The following WASHC4 variants were observed in gnomAD, a reference collection of about 807,000 sequenced individuals.
WASHC4 encodes WASH complex subunit 4, also known as WASH complex subunit 7.
Under a neutral mutation model 166.6 loss-of-function variants are expected in WASHC4, and 86 were observed. That is an observed-to-expected ratio of 0.52 (90% CI 0.43 to 0.62). The LOEUF is 0.62. Among genes scored for constraint, WASHC4 ranks in the 20% least tolerant of loss-of-function variants. WASHC4 has a pLI of 0.00. For synonymous variants in WASHC4, 446 were observed against 451.6 expected, an observed-to-expected ratio of 0.99 and a Z score of 0.16; for missense variants, 1,262 against 1,382.4, an observed-to-expected ratio of 0.91 and a Z score of 1.38.
At chr12:105,148,566 A>T in intron 24 of WASHC4, 1 of 985,310 alleles carries the variant, frequency 1.0e-6, no homozygotes, top group Non-Finnish European at 1.2e-6. Context: ...CACTATTAAG[A>T]GTGGAAAGGA....
intron 6 of WASHC4, among the ~76,000 whole-genome samples, chr12:105,116,661 C>T (rs1880211606): frequency 6.6e-6 from 1 of 152,118 alleles, no homozygotes; most frequent in Non-Finnish European, 1.5e-5. Flanking sequence ...TGGATTTGCA[C>T]TTGACTATAG....
In WASHC4 at chr12:105,153,779, C is replaced by T. The variant is rs1040257558; in HGVS notation, c.2758+1328C>T. On this transcript the variant is annotated intron_variant, in intron 26 of 32. Transcript: ENST00000332180. ...CCAGAATTTTTGCATCCTGTTAATA[C>T]TGCCTTCACTATTGTTACATGTTTT... Among the ~76,000 whole-genome samples, 3 of 152,242 alleles carry T rather than the reference C, an allele frequency of 2.0e-5. No homozygotes were observed. The South Asian group carries it at 6.2e-4, about 32-fold the overall frequency.
chr12:105,131,179 C>T (rs1052359603), intron 13 of WASHC4, among the ~76,000 whole-genome samples: 203 of 150,946 alleles, frequency 1.3e-3, no homozygotes, highest in African/African-American at 4.5e-3. Flanking sequence ...CTCCGCTTCC[C>T]GGGTTCACGC....
Position 105,111,258 on chromosome 12 carries a change from A to G in WASHC4, c.195A>G (p.Ala65=), listed in dbSNP as rs961797226. 6.2e-7 allele frequency: 1 copy of G among 1,602,424 alleles called. No homozygotes were observed. Among genetic ancestry groups the G allele is most frequent in the East Asian group, 2.2e-5 (1 of 44,700 alleles). The change falls in exon 2 of 33, where the codon GCA becomes GCG. Residue 65 remains alanine, a synonymous_variant. Coordinates refer to ENST00000332180, the MANE Select transcript of WASHC4 (RefSeq NM_015275.3). ...GGGATTTCAATCTTGATCCTATAGC[A>G]TTAAAGGTTTGATTTGATTTTTTAA... is the stretch of plus-strand genomic sequence containing the variant. ...DVWDFNLDPI[A]LKLLPYEQSS...
chr12:105,120,607 A>G lies in WASHC4; in HGVS notation c.561+10A>G, dbSNP rs1477274961. ...TGGAGTTCATTTTCAGGTAAAAGAC[A>G]TTTAGCTTGACCTGTAAAACTGTAA... On this transcript the variant is annotated intron_variant, in intron 8 of 32. Coordinates refer to ENST00000332180, the MANE Select transcript of WASHC4 (RefSeq NM_015275.3). 2.5e-6 allele frequency: 4 copies of G among 1,581,008 alleles called. No homozygotes were observed. The South Asian group carries it at 3.3e-5, about 13-fold the overall frequency.
chr12:105,149,662 C>A lies in WASHC4; in HGVS notation c.2562C>A (p.Ser854Arg). The A allele has an allele frequency of 6.4e-7, 1 of 1,558,636 alleles. No individual in the cohort carries two copies. Reference protein sequence around the residue: ...QFLKKKFYIFSQFMYDEHIKS... With the variant: ...QFLKKKFYIFRQFMYDEHIKS... ...TGAAAAAGAAGTTCTATATATTTAG[C>A]CAATTTATGTATGATGAACACATCA... Residue 854 changes from serine to arginine, a missense_variant, in exon 25 of 33, where the codon AGC (serine) becomes AGA (arginine). Physicochemically the swap from Ser to Arg is moderately radical, Grantham distance 110 (BLOSUM62 -1). Transcript: ENST00000332180.
At chr12:105,157,399 AT>A in intron 28 of WASHC4, 77 bp downstream of exon 28, 1 of 789,958 alleles carries the variant, frequency 1.3e-6, no homozygotes, top group Non-Finnish European at 2.1e-6. Context: ...GTAATATGTA[AT>A]TTTTATGCCA....
At position 105,141,264 on chromosome 12, in the gene WASHC4, A is replaced by G. The variant is rs1191310234; in HGVS notation, c.1787+18A>G. The G allele has an allele frequency of 6.8e-7, 1 of 1,474,506 alleles. No homozygotes were observed. The highest frequency in any genetic ancestry group is 9.5e-7 in the Non-Finnish European group (1 of 1,052,624). 91.3% of individuals were successfully genotyped at this position (1,474,506 alleles called of 1,614,324 possible). A position where few individuals can be genotyped will look rare whatever the true frequency, so the allele number is the denominator to read the frequency against. Reference sequence around the variant, plus strand: ...AGAGAACGGTAAGTAGGACTGGGATATGCTGTGGTACTCCAAAGACAGGGT... The same window carrying G: ...AGAGAACGGTAAGTAGGACTGGGATGTGCTGTGGTACTCCAAAGACAGGGT... On this transcript the variant is annotated intron_variant, in intron 18 of 32. Transcript: ENST00000332180.
chr12:105,128,583 T>G (rs1881498939), intron 13 of WASHC4, among the ~76,000 whole-genome samples: 1 of 152,168 alleles, frequency 6.6e-6, no homozygotes, highest in African/African-American at 2.4e-5. Context: ...ACTTTTTGAG[T>G]GCCATCGTAA....
At chr12:105,146,424 T>C (rs1388524607) in intron 22 of WASHC4, 28 bp from the exon 23 acceptor site, 1 of 1,261,786 alleles carries the variant, frequency 7.9e-7, no homozygotes. Context: ...TGAATTATAA[T>C]AAAACTTGTA....
chr12:105,124,074 A>G (rs555736898), intron 10 of WASHC4, among the ~76,000 whole-genome samples: 2 of 152,052 alleles, frequency 1.3e-5, no homozygotes, highest in Admixed American at 6.5e-5. Context: ...TTTAGACATA[A>G]TGCTATTGCA....
chr12:105,135,695 C>CTGCTGTTA (rs58019484), intron 14 of WASHC4, among the ~76,000 whole-genome samples: 133,248 of 151,638 alleles, frequency 0.88, 58,832 homozygotes, highest in East Asian at 1. Context: ...TGTCTCTAAT[C>CTGCTGTTA]AATTCATCTA....
At position 105,152,465 on chromosome 12, in the gene WASHC4, AAAGTGTTGGG is replaced by A. The variant is rs1883844725; in HGVS notation, c.2758+17_2758+26del. Reference sequence around the variant, plus strand: ...TCAGCCAGATTGGTAAGTTATGATAAAAGTGTTGGGAAATCAGGTACAGATCCCTACAGTC... The same window carrying A: ...TCAGCCAGATTGGTAAGTTATGATAAAAATCAGGTACAGATCCCTACAGTC... On this transcript the variant is annotated intron_variant, in intron 26 of 32. Coordinates refer to ENST00000332180, the MANE Select transcript of WASHC4 (RefSeq NM_015275.3). 7.2e-7 allele frequency: 1 copy of A among 1,397,456 alleles called. No homozygotes were observed. Among genetic ancestry groups the A allele is most frequent in the Non-Finnish European group, 1.0e-6 (1 of 982,934 alleles). The allele number at this position is 1,397,456 out of a possible 1,614,324, so 86.6% of individuals were successfully genotyped here.
chr12:105,144,897 G>A (rs751972877), intron 22 of WASHC4, 25 bp downstream of exon 22: 65 of 1,573,902 alleles, frequency 4.1e-5, no homozygotes, highest in Non-Finnish European at 5.7e-5. Flanking sequence ...GTTTTTTTTA[G>A]CATACTGTGA....
rs377158098 is a variant in WASHC4 at position 105,166,882 on chromosome 12, A to G, written c.3473A>G (p.Asn1158Ser). 1.1e-5 allele frequency: 17 copies of G among 1,605,472 alleles called. No individual in the cohort carries two copies. Among genetic ancestry groups the G allele is most frequent in the Middle Eastern group, 1.6e-4 (1 of 6,070 alleles). The stretch of plus-strand genomic sequence containing the variant: ...CTTTCAGAAGAAACTAAAACAAGCA[A>G]TGGAGACCTGTCTGACAGCACTGTG... ...KEKEEETKTS[N>S]GDLSDSTVSA... The change falls in exon 33 of 33, where the codon AAT becomes AGT. Residue 1158 changes from asparagine (N) to serine (S), a missense_variant. Physicochemically the swap from Asn to Ser is conservative, Grantham distance 46. Transcript: ENST00000332180.
rs1237697893 is a variant in WASHC4, at chr12:105,151,487, C to CT, written c.2650-844dup. Among the ~76,000 whole-genome samples, 163 of 145,612 alleles carry CT rather than the reference C, an allele frequency of 1.1e-3. 1 individual carries two copies. The highest frequency in any genetic ancestry group is 7.0e-3 in the Middle Eastern group (2 of 284). On this transcript the variant is annotated intron_variant, in intron 25 of 32. Coordinates refer to ENST00000332180, the MANE Select transcript of WASHC4 (RefSeq NM_015275.3). ...TTATCAGTAGAGGATTGTATTAACT[C>CT]TTTTTTTTTTTTGAGACTGAGTCTG...
chr12:105,144,382 T>G lies in WASHC4; in HGVS notation c.2106T>G (p.Val702=). The G allele has an allele frequency of 6.2e-7, 1 of 1,613,516 alleles. No homozygotes were observed. ...TGGATGACCGAAACCCTTTCAAAGTTGGCATGAAAGACCTGGCTCTTTTTT... is the reference window on the plus strand; with the variant it reads ...TGGATGACCGAAACCCTTTCAAAGTGGGCATGAAAGACCTGGCTCTTTTTT... ...LKLDDRNPFK[V]GMKDLALFFS... The change falls in exon 21 of 33, where the codon GTT becomes GTG. Residue 702 remains valine (V), a synonymous_variant. Coordinates refer to ENST00000332180, the MANE Select transcript of WASHC4 (RefSeq NM_015275.3).
chr12:105,138,892 C>T (rs1387335146), intron 15 of WASHC4, among the ~76,000 whole-genome samples: 1 of 152,134 alleles, frequency 6.6e-6, no homozygotes, highest in African/African-American at 2.4e-5. Context: ...GAAATACCCA[C>T]TGTCCCACTT....
intron 7 of WASHC4, among the ~76,000 whole-genome samples, chr12:105,120,208 T>A (rs905714057): frequency 2.0e-5 from 3 of 152,246 alleles, no homozygotes; most frequent in African/African-American, 4.8e-5. Context: ...TTCTCTACCT[T>A]TATTCCAAGA....
Sources: allele counts gnomAD v4.1 joint callset (sites outside exome capture counted in the v4.1 genomes callset), GRCh38; gene constraint gnomAD v4.1.1; transcripts MANE v1.5; gene names NCBI Gene and HGNC (gene_info 2026-07-23, HGNC 2026-07-21).